The following ABCA12 variants were observed in gnomAD, a reference collection of about 807,000 sequenced individuals.
ABCA12 encodes ATP binding cassette subfamily A member 12, also known as glucosylceramide transporter ABCA12.
ABCA12 carries 156 observed loss-of-function variants against 293.5 expected under a neutral mutation model. That is an observed-to-expected ratio of 0.53 (90% confidence interval 0.47 to 0.61). ABCA12 has a LOEUF of 0.61. Among genes scored for constraint, ABCA12 ranks in the 20% least tolerant of loss-of-function variants. The pLI is 0.00. For missense variants in ABCA12, 2,797 were observed against 3,090.2 expected (o/e 0.91, Z 2.25); for synonymous variants, 1,063 against 1,108.0 (o/e 0.96, Z 0.81).
intron 29 of ABCA12, among the ~76,000 whole-genome samples, 180 bp from the exon 30 acceptor site, chr2:214,982,563 T>A (rs112337335): frequency 5.3e-4 from 81 of 152,258 alleles, no homozygotes; most frequent in African/African-American, 1.9e-3. Context: ...GATACAAAAT[T>A]AATACTCAAA....
At chr2:214,994,748 G>T (rs1472590120) in intron 23 of ABCA12, among the ~76,000 whole-genome samples, 2 of 152,078 alleles carry the variant, frequency 1.3e-5, no homozygotes, top group Non-Finnish European at 2.9e-5. Context: ...TGTCAGGAAA[G>T]CACAAAAAAA....
Position 215,025,568 on chromosome 2 carries a change from G to C in ABCA12, c.1287+105C>G, listed in dbSNP as rs1700719844. On this transcript the variant is annotated intron_variant, in intron 11 of 52. Coordinates refer to ENST00000272895, the MANE Select transcript of ABCA12 (RefSeq NM_173076.3). ...AAGATCAGATTTAAAACTTAAAAGT[G>C]TATCTTGCCAAATATTATGAGAAGT... 1.3e-5 allele frequency: 10 copies of C among 754,862 alleles called. No individual in the cohort carries two copies. The South Asian group carries it at 1.6e-4, about 12-fold the overall frequency. The allele number at this position is 754,862 out of a possible 1,614,324, so 46.8% of individuals were successfully genotyped here. A position where few individuals can be genotyped will look rare whatever the true frequency, so the allele number is the denominator to read the frequency against.
intron 3 of ABCA12, among the ~76,000 whole-genome samples, chr2:215,060,713 G>A (rs1418298640): frequency 6.6e-6 from 1 of 151,986 alleles, no homozygotes; most frequent in Non-Finnish European, 1.5e-5. Context: ...GCAAACACCT[G>A]TTTTACTTCC....
At chr2:215,081,818 A>T (rs994704353) in intron 2 of ABCA12, among the ~76,000 whole-genome samples, 1 of 152,142 alleles carries the variant, frequency 6.6e-6, no homozygotes, top group Admixed American at 6.5e-5. Flanking sequence ...GGAAGACAAG[A>T]TTGACAATGA....
intron 36 of ABCA12, 139 bp from the exon 37 acceptor site, chr2:214,970,539 A>AT: frequency 1.1e-6 from 1 of 916,342 alleles, no homozygotes; most frequent in South Asian, 1.7e-5. Context: ...TTTGACTCTA[A>AT]AGAGCTTTGA....
intron 1 of ABCA12, among the ~76,000 whole-genome samples, chr2:215,113,820 A>G (rs886965820): frequency 1.3e-5 from 2 of 152,212 alleles, no homozygotes; most frequent in Non-Finnish European, 2.9e-5. Flanking sequence ...TTTGTCACTA[A>G]TAGAAATTAT....
intron 2 of ABCA12, among the ~76,000 whole-genome samples, chr2:215,065,423 T>G (rs1372025229): frequency 6.7e-6 from 1 of 149,976 alleles, no homozygotes; most frequent in African/African-American, 2.5e-5. Flanking sequence ...AACATGGCCA[T>G]GCATTAATCT....
chr2:214,987,522 A>G (rs940200296), intron 27 of ABCA12, 125 bp downstream of exon 27: 149 of 1,275,588 alleles, frequency 1.2e-4, no homozygotes, highest in Non-Finnish European at 8.9e-5. Flanking sequence ...ATGTGTAGAC[A>G]TTTTCATCCA....
chr2:215,096,887 T>C (rs1258097053), intron 2 of ABCA12, among the ~76,000 whole-genome samples: 4 of 152,136 alleles, frequency 2.6e-5, no homozygotes, highest in Non-Finnish European at 5.9e-5. Flanking sequence ...TTGGTCTAAT[T>C]TTATAGATTC....
chr2:214,996,359 T>A (rs1001283180), intron 23 of ABCA12, among the ~76,000 whole-genome samples: 2 of 152,194 alleles, frequency 1.3e-5, no homozygotes, highest in African/African-American at 4.8e-5. Context: ...ATTTACTGTT[T>A]CTATCACAAG....
intron 39 of ABCA12, 148 bp downstream of exon 39, chr2:214,966,700 G>A: frequency 1.4e-6 from 1 of 737,154 alleles, no homozygotes; most frequent in Non-Finnish European, 2.4e-6. Context: ...TCTGGCGATA[G>A]TTACTACTTC....
Position 215,045,949 on chromosome 2 carries a change from A to C in ABCA12, c.760T>G (p.Ser254Ala). 1 of 1,613,770 alleles carries C rather than the reference A, an allele frequency of 6.2e-7. No individual in the cohort carries two copies. The highest frequency in any genetic ancestry group is 8.5e-7 in the Non-Finnish European group (1 of 1,179,818). ...ACAGCTTTCTGCTCTTGCACTTGTG[A>C]GAAGAAAGACAGCATTCTGACTATT... Reference protein sequence around the residue: ...QEIVRMLSFFSQVQEQKAVWQ... With the variant: ...QEIVRMLSFFAQVQEQKAVWQ... The change falls in exon 7 of 53, where the codon TCA becomes GCA. Residue 254 changes from serine to alanine, a missense_variant. This residue lies in a region of ABCA12 where 656 missense variants were observed against 638.2 expected (regional missense o/e 1.03). Transcript: ENST00000272895.
intron 2 of ABCA12, among the ~76,000 whole-genome samples, chr2:215,071,321 A>G (rs1174016722): frequency 6.6e-6 from 1 of 152,106 alleles, no homozygotes; most frequent in Non-Finnish European, 1.5e-5. Flanking sequence ...CTCCATGACA[A>G]TTCTGTCAGA....
Position 214,978,304 on chromosome 2 carries a change from T to A in ABCA12, c.5128+12A>T. On this transcript the variant is annotated intron_variant, in intron 33 of 52. Coordinates refer to ENST00000272895, the MANE Select transcript of ABCA12 (RefSeq NM_173076.3). ...ATTGGAATTAAACAAAATATCCACA[T>A]TAGATTCATACCATCTCTGTCTGTG... 6.2e-7 allele frequency: 1 copy of A among 1,613,924 alleles called. No individual in the cohort carries two copies. Among genetic ancestry groups the A allele is most frequent in the Non-Finnish European group, 8.5e-7 (1 of 1,179,872 alleles).
rs889641750 is a variant in ABCA12, at chr2:215,039,740, G to A, written c.873-2675C>T. Among the ~76,000 whole-genome samples the A allele has an allele frequency of 2.6e-5, 4 of 151,544 alleles. No homozygotes were observed. In the South Asian group the frequency reaches 8.3e-4, roughly 32 times the overall value. On this transcript the variant is annotated intron_variant, in intron 7 of 52. Coordinates refer to ENST00000272895, the MANE Select transcript of ABCA12 (RefSeq NM_173076.3). ...ACTGCACTCCAGCCTGGGCAACAGA[G>A]CAAGACTCCTTCTCACAAAAAATAA...
chr2:215,106,748 C>CAAAAAAA (rs34394993), intron 2 of ABCA12, among the ~76,000 whole-genome samples: 1 of 101,596 alleles, frequency 9.8e-6, no homozygotes. Flanking sequence ...GCTTTGGAGG[C>CAAAAAAA]AAAAAAAAAA....
intron 39 of ABCA12, among the ~76,000 whole-genome samples, chr2:214,961,330 CTT>C (rs1699107475): frequency 6.6e-6 from 1 of 151,996 alleles, no homozygotes; most frequent in Admixed American, 6.6e-5. Context: ...TTAAAATAAA[CTT>C]CAGTTTAGGG....
At chr2:214,937,136 C>A (rs1439089078) in intron 51 of ABCA12, among the ~76,000 whole-genome samples, 1 of 152,162 alleles carries the variant, frequency 6.6e-6, no homozygotes, top group Non-Finnish European at 1.5e-5. Flanking sequence ...ACATTACCAT[C>A]AAAACTAGTG....
intron 2 of ABCA12, among the ~76,000 whole-genome samples, chr2:215,065,297 T>TAAAAAAAAA (rs66466863): frequency 2.7e-4 from 12 of 45,138 alleles, no homozygotes; most frequent in African/African-American, 9.7e-4. Flanking sequence ...CATGAATGTG[T>TAAAAAAAAA]AAAAAAAAAA....
Sources: allele counts gnomAD v4.1 joint callset (sites outside exome capture counted in the v4.1 genomes callset), GRCh38; gene constraint gnomAD v4.1.1; regional missense constraint gnomAD v4.1.1; transcripts MANE v1.5; gene names NCBI Gene and HGNC (gene_info 2026-07-23, HGNC 2026-07-21).